NEBL: variants seen among roughly 807,000 people sequenced by gnomAD.
The protein encoded by NEBL is LIM and SH3 protein 2.
In NEBL, 122 loss-of-function variants were observed where a neutral mutation model predicts 140.2. The ratio of observed to expected loss-of-function variants is 0.87; its 90% confidence interval spans 0.75 to 1.01. The LOEUF is 1.01. Ranked by LOEUF, NEBL falls within the 50% of genes least tolerant of loss-of-function variation. The pLI, the probability that NEBL is intolerant of heterozygous loss-of-function variation, is 0.00. For synonymous variants in NEBL, 436 were observed against 398.9 expected (o/e 1.09, Z -1.11); for missense variants, 1,365 against 1,231.3 (o/e 1.11, Z -1.62).
At chr10:21,216,113 T>C (rs1011853024) in intron 3 of NEBL, among the ~76,000 whole-genome samples, 1 of 152,196 alleles carries the variant, frequency 6.6e-6, no homozygotes, top group East Asian at 1.9e-4. Context: ...TGCCACGGTA[T>C]GCAGTAGGGT....
At chr10:21,099,882 T>A (rs555756344) in intron 2 of NEBL, among the ~76,000 whole-genome samples, 55 of 152,232 alleles carry the variant, frequency 3.6e-4, no homozygotes, top group African/African-American at 1.3e-3. Flanking sequence ...GAAAGCAGGC[T>A]GTTCTGAACA....
chr10:20,841,987 T>TTG (rs1448755242), intron 12 of NEBL, among the ~76,000 whole-genome samples: 5 of 152,178 alleles, frequency 3.3e-5, no homozygotes, highest in Non-Finnish European at 7.4e-5. Context: ...AATGAGTTGC[T>TTG]TGTTTTCTTA....
At chr10:21,241,104 A>C (rs1842432990) in intron 3 of NEBL, among the ~76,000 whole-genome samples, 2 of 152,174 alleles carry the variant, frequency 1.3e-5, no homozygotes, top group South Asian at 4.1e-4. Context: ...CCAGATTGAA[A>C]TATGTTTCAC....
intron 1 of NEBL, among the ~76,000 whole-genome samples, chr10:21,259,524 C>T (rs1482180571): frequency 1.3e-5 from 2 of 151,470 alleles, no homozygotes; most frequent in Admixed American, 6.6e-5. Flanking sequence ...TCAAAAGATC[C>T]ACACCTAGAG....
chr10:21,288,762 A>AAAAAAAAAAAAAAG (rs1843095592), intron 1 of NEBL, among the ~76,000 whole-genome samples: 1 of 84,182 alleles, frequency 1.2e-5, no homozygotes, highest in African/African-American at 5.6e-5. Context: ...TCCATCGCCA[A>AAAAAAAAAAAAAAG]AAAAAAAAAA....
chr10:20,972,107 T>A (rs764057751), intron 3 of NEBL, among the ~76,000 whole-genome samples: 1 of 152,110 alleles, frequency 6.6e-6, no homozygotes, highest in African/African-American at 2.4e-5. Context: ...AAAAGCTACA[T>A]CCTAACTAGC....
intron 2 of NEBL, among the ~76,000 whole-genome samples, chr10:21,036,818 A>C (rs1449929369): frequency 6.6e-6 from 1 of 152,074 alleles, no homozygotes; most frequent in East Asian, 1.9e-4. Flanking sequence ...AGAGATGAGG[A>C]ATATTAGGCC....
chr10:20,972,252 C>T (rs1293839447), intron 3 of NEBL, among the ~76,000 whole-genome samples: 1 of 152,144 alleles, frequency 6.6e-6, no homozygotes, highest in African/African-American at 2.4e-5. Context: ...CAGATTATTC[C>T]TCAATGTTTC....
intron 3 of NEBL, among the ~76,000 whole-genome samples, chr10:21,221,835 G>T (rs1221525324): frequency 6.6e-6 from 1 of 151,940 alleles, no homozygotes; most frequent in African/African-American, 2.4e-5. Flanking sequence ...TTACATCAGG[G>T]AAATTAAGAA....
chr10:20,999,209 G>A (rs1837788497), intron 3 of NEBL, among the ~76,000 whole-genome samples: 1 of 151,020 alleles, frequency 6.6e-6, no homozygotes, highest in African/African-American at 2.4e-5. Context: ...TACTCTCTGA[G>A]TAAGACTCTG....
chr10:20,913,301 A>T (rs1304357498), intron 4 of NEBL, among the ~76,000 whole-genome samples: 1 of 152,198 alleles, frequency 6.6e-6, no homozygotes, highest in Non-Finnish European at 1.5e-5. Context: ...CATTCCTAAA[A>T]GGCACTGCCG....
chr10:20,902,803 T>A (rs538945670), intron 4 of NEBL, among the ~76,000 whole-genome samples: 1 of 152,220 alleles, frequency 6.6e-6, no homozygotes, highest in African/African-American at 2.4e-5. Context: ...ATGTGGCTTA[T>A]ACCCAGAACC....
chr10:21,005,579 A>T lies in NEBL; in HGVS notation c.249+14538T>A, dbSNP rs1040479842. On this transcript the variant is annotated intron_variant, in intron 3 of 6. Transcript: ENST00000417816. ...GGTAGACCCCATCTTTTCAAATAAA[A>T]TAAAATTAGCCAGGCATGGTGGTGC... 7.9e-5 allele frequency among the ~76,000 whole-genome samples: 12 copies of T among 152,192 alleles called. No individual in the cohort carries two copies. In the South Asian group the frequency reaches 1.5e-3, roughly 18 times the overall value.
chr10:21,089,175 G>A (rs1447791109), intron 2 of NEBL, among the ~76,000 whole-genome samples: 1 of 152,182 alleles, frequency 6.6e-6, no homozygotes, highest in Non-Finnish European at 1.5e-5. Context: ...GCGGAGTCTA[G>A]AGGATGCTGA....
At chr10:20,899,475 T>A, upstream of NEBL, 1 of 1,264,312 alleles carries the variant, frequency 7.9e-7, no homozygotes, top group African/African-American at 1.6e-5. Context: ...GCTGTTGAGA[T>A]TTAATGCACA....
At chr10:20,913,584 A>G (rs1227899199) in intron 4 of NEBL, among the ~76,000 whole-genome samples, 1 of 152,212 alleles carries the variant, frequency 6.6e-6, no homozygotes, top group East Asian at 1.9e-4. Flanking sequence ...AAATAGCAAA[A>G]AAGTACAAAA....
intron 2 of NEBL, among the ~76,000 whole-genome samples, chr10:21,069,413 C>G (rs1835714752): frequency 6.6e-6 from 1 of 152,190 alleles, no homozygotes; most frequent in African/African-American, 2.4e-5. Context: ...GGAAATTTCC[C>G]CTCTAAGTGA....
chr10:20,942,171 C>T (rs1440600417), intron 4 of NEBL, among the ~76,000 whole-genome samples: 2 of 152,192 alleles, frequency 1.3e-5, no homozygotes, highest in Non-Finnish European at 2.9e-5. Context: ...AGGCATCACG[C>T]TACCTGACTT....
rs774294999 is a variant in NEBL, at chr10:20,819,446, C to T, written c.2033G>A (p.Arg678Gln). ...TGCCGCACTCAGCTGCTCCTGGTTT[C>T]GCCTCACTCTCTCTATCTCCGGGGT... ...SMTPEIERVR[R>Q]NQEQLSAVKY... is the part of the protein sequence containing the mutation. Residue 678 changes from arginine (R) to glutamine (Q), a missense_variant, in exon 20 of 28, where the codon CGA becomes CAA. By Grantham distance (43) the Arg-to-Gln change is conservative. This residue lies in a region of NEBL where 1,323 missense variants were observed against 1,154.8 expected (regional missense o/e 1.15). Coordinates refer to ENST00000377122, the MANE Select transcript of NEBL (RefSeq NM_006393.3). 48 of 1,613,948 alleles carry T rather than the reference C, an allele frequency of 3.0e-5. No individual in the cohort carries two copies. In the Admixed American group the frequency reaches 3.8e-4, roughly 13 times the overall value.
Sources: allele counts gnomAD v4.1 joint callset (sites outside exome capture counted in the v4.1 genomes callset), GRCh38; gene constraint gnomAD v4.1.1; regional missense constraint gnomAD v4.1.1; transcripts MANE v1.5; gene names NCBI Gene and HGNC (gene_info 2026-07-23, HGNC 2026-07-21).